Variants in CSMD1 observed in about 807,000 individuals in gnomAD.
CSMD1 encodes CUB and sushi domain-containing protein 1.
Under a neutral mutation model 417.5 loss-of-function variants are expected in CSMD1, and 213 were observed. That is an observed-to-expected ratio of 0.51 (90% CI 0.46 to 0.57). The LOEUF is 0.57. Ranked by LOEUF, CSMD1 falls within the 20% of genes least tolerant of loss-of-function variation. The pLI is 0.00. For missense variants in CSMD1, 6,923 were observed against 4,529.7 expected (o/e 1.53, Z -15.17); for synonymous variants, 2,862 against 1,736.8 (o/e 1.65, Z -16.11).
intron 18 of CSMD1, among the ~76,000 whole-genome samples, chr8:3,381,705 C>T (rs1356574082): frequency 6.6e-6 from 1 of 151,960 alleles, no homozygotes; most frequent in Non-Finnish European, 1.5e-5. Flanking sequence ...TACTAGAGTT[C>T]CAATTACAAA....
chr8:2,950,764 T>C (rs1260075137), intron 66 of CSMD1, among the ~76,000 whole-genome samples: 4 of 152,200 alleles, frequency 2.6e-5, no homozygotes, highest in Non-Finnish European at 5.9e-5. Flanking sequence ...ATTTTATTAA[T>C]TGTGTGATGA....
chr8:4,258,161 T>A (rs1168649280), intron 3 of CSMD1, among the ~76,000 whole-genome samples: 1 of 150,446 alleles, frequency 6.6e-6, no homozygotes, highest in Non-Finnish European at 1.5e-5. Context: ...TTCAGGCTGG[T>A]CTCAAACTCC....
chr8:3,515,403 T>G (rs1387440275), intron 10 of CSMD1: 1 of 152,214 alleles, frequency 6.6e-6, no homozygotes, highest in East Asian at 1.9e-4. Context: ...TTGAAAATGT[T>G]GGTGAAGTTT....
chr8:3,162,669 T>G (rs977020099), intron 37 of CSMD1, among the ~76,000 whole-genome samples: 2 of 151,788 alleles, frequency 1.3e-5, no homozygotes, highest in Admixed American at 6.6e-5. Flanking sequence ...TACTTAGCAG[T>G]CTTTATATAA....
intron 3 of CSMD1, among the ~76,000 whole-genome samples, chr8:4,081,880 G>A (rs73190335): frequency 6.6e-6 from 1 of 152,170 alleles, no homozygotes; most frequent in African/African-American, 2.4e-5. Context: ...ATCAAAATGT[G>A]TTGGATTTAG....
intron 7 of CSMD1, among the ~76,000 whole-genome samples, chr8:3,635,808 A>G (rs532611892): frequency 1.5e-4 from 22 of 145,456 alleles, no homozygotes; most frequent in Middle Eastern, 3.6e-3. Context: ...AAAAAAAAAA[A>G]AAAAAAAGAA....
chr8:4,093,965 A>AACAGATAG (rs370927358), intron 3 of CSMD1, among the ~76,000 whole-genome samples: 2 of 136,954 alleles, frequency 1.5e-5, no homozygotes, highest in East Asian at 5.2e-4. Flanking sequence ...CTACATCTCA[A>AACAGATAG]ATAGATAGAT....
At chr8:3,873,348 A>G (rs1194051546) in intron 5 of CSMD1, among the ~76,000 whole-genome samples, 1 of 152,174 alleles carries the variant, frequency 6.6e-6, no homozygotes, top group Admixed American at 6.5e-5. Flanking sequence ...TGTGATATGT[A>G]TATACCATAT....
chr8:4,793,346 C>T (rs998233359), intron 1 of CSMD1, among the ~76,000 whole-genome samples: 5 of 152,022 alleles, frequency 3.3e-5, no homozygotes, highest in African/African-American at 1.2e-4. Context: ...AGTACTATAA[C>T]TACTACACTG....
intron 2 of CSMD1, among the ~76,000 whole-genome samples, chr8:4,442,010 T>C (rs750077329): frequency 3.9e-5 from 6 of 152,182 alleles, no homozygotes; most frequent in African/African-American, 7.2e-5. Context: ...CCCTGAGTCA[T>C]TTCTATGTCC....
At chr8:3,768,201 G>A (rs749607193) in intron 5 of CSMD1, among the ~76,000 whole-genome samples, 2 of 152,160 alleles carry the variant, frequency 1.3e-5, no homozygotes, top group Non-Finnish European at 2.9e-5. Flanking sequence ...AGGAAGAGTG[G>A]TTCCTGGCAT....
chr8:4,246,658 A>G (rs1484137413), intron 3 of CSMD1, among the ~76,000 whole-genome samples: 2 of 152,196 alleles, frequency 1.3e-5, no homozygotes, highest in Non-Finnish European at 2.9e-5. Context: ...AGGCAAGCAA[A>G]AGAAACAAAA....
At chr8:4,670,704 C>G (rs1227460004) in intron 1 of CSMD1, among the ~76,000 whole-genome samples, 2 of 152,122 alleles carry the variant, frequency 1.3e-5, no homozygotes, top group Non-Finnish European at 2.9e-5. Flanking sequence ...ATTCACGTCT[C>G]TTAAGGCAGA....
chr8:4,235,201 C>G (rs75647370), intron 3 of CSMD1, among the ~76,000 whole-genome samples: 7,502 of 152,140 alleles, frequency 0.049, 629 homozygotes, highest in African/African-American at 0.17. Flanking sequence ...TGTCCAAACT[C>G]AAGAATGGAC....
chr8:3,812,598 A>G (rs998780179), intron 5 of CSMD1, among the ~76,000 whole-genome samples: 8 of 152,192 alleles, frequency 5.3e-5, no homozygotes, highest in Admixed American at 4.6e-4. Flanking sequence ...CTTACGCTAT[A>G]AAGGGCCAAA....
intron 8 of CSMD1, among the ~76,000 whole-genome samples, chr8:3,590,622 C>T (rs17395729): frequency 0.11 from 16,144 of 152,040 alleles, 1,075 homozygotes; most frequent in Non-Finnish European, 0.14. Flanking sequence ...TGCAAATTAT[C>T]GGAAAAAGCC....
intron 3 of CSMD1, among the ~76,000 whole-genome samples, chr8:4,295,783 TATATAC>T (rs1483058705): frequency 0.34 from 10,190 of 29,910 alleles, 576 homozygotes; most frequent in South Asian, 0.47. Context: ...TATATATATA[TATATAC>T]ACACACACAT....
chr8:3,499,317 G>C (rs1192761872), intron 10 of CSMD1, among the ~76,000 whole-genome samples: 1 of 152,228 alleles, frequency 6.6e-6, no homozygotes. Flanking sequence ...TTGTGGAAGT[G>C]TTGGTTCAGC....
At chr8:3,430,869 T>C (rs868430010) in intron 12 of CSMD1, among the ~76,000 whole-genome samples, 6 of 152,202 alleles carry the variant, frequency 3.9e-5, no homozygotes, top group African/African-American at 1.4e-4. Flanking sequence ...GTTCTATTGT[T>C]TACCTTATTT....
Sources: allele counts gnomAD v4.1 joint callset (sites outside exome capture counted in the v4.1 genomes callset), GRCh38; gene constraint gnomAD v4.1.1; transcripts MANE v1.5; gene names NCBI Gene and HGNC (gene_info 2026-07-23, HGNC 2026-07-21).